Variants in COL22A1 observed in about 807,000 individuals in gnomAD.
The protein encoded by COL22A1 is collagen alpha-1(XXII) chain.
In COL22A1, 221 loss-of-function variants were observed where a neutral mutation model predicts 248.9. The observed-to-expected ratio is 0.89, with a 90% confidence interval of 0.80 to 0.99. The LOEUF (loss-of-function observed/expected upper bound fraction) is 0.99. Ranked by LOEUF, COL22A1 falls within the 50% of genes least tolerant of loss-of-function variation. COL22A1 has a pLI of 0.00. For missense variants in COL22A1, 2,240 were observed against 2,179.0 expected (o/e 1.03, Z -0.56); for synonymous variants, 891 against 793.4 (o/e 1.12, Z -2.07).
At chr8:138,630,256 C>A (rs1161724555) in intron 50 of COL22A1, among the ~76,000 whole-genome samples, 1 of 152,156 alleles carries the variant, frequency 6.6e-6, no homozygotes, top group Non-Finnish European at 1.5e-5. Context: ...TAATTCCATT[C>A]TCCTCTTTTG....
chr8:138,775,933 C>A (rs1311385933), intron 16 of COL22A1, 33 bp downstream of exon 16: 1 of 1,606,690 alleles, frequency 6.2e-7, no homozygotes, highest in East Asian at 2.2e-5. Context: ...CTATGGAAAG[C>A]CGTATTGATG....
chr8:138,821,221 G>A lies in COL22A1; in HGVS notation c.1160C>T (p.Thr387Ile), dbSNP rs1563808632. 1 of 1,614,074 alleles carries A rather than the reference G, an allele frequency of 6.2e-7. No homozygotes were observed. The highest frequency in any genetic ancestry group is 8.5e-7 in the Non-Finnish European group (1 of 1,180,042). Residue 387 changes from threonine (T) to isoleucine (I), a missense_variant, in exon 7 of 65, where the codon ACA becomes ATA. Thr to Ile is a moderately conservative substitution (Grantham distance 89, BLOSUM62 -1). Coordinates refer to ENST00000303045, the MANE Select transcript of COL22A1 (RefSeq NM_152888.3). ...SLHIDCALVQ[T>I]LPIEERENID... ...GTTCTCCCGTTCCTCGATGGGTAGT[G>A]TCTGCACCAGCGCACAGTCAATGTG... is the stretch of plus-strand genomic sequence containing the variant.
chr8:138,744,505 T>A (rs1831949281), intron 22 of COL22A1, among the ~76,000 whole-genome samples: 1 of 146,394 alleles, frequency 6.8e-6, no homozygotes, highest in Admixed American at 6.7e-5. Context: ...ACACACACAC[T>A]CATACTCACA....
intron 1 of COL22A1, among the ~76,000 whole-genome samples, chr8:138,906,590 T>TC (rs1815040568): frequency 1.3e-5 from 2 of 151,270 alleles, no homozygotes; most frequent in South Asian, 4.2e-4. Context: ...CTTGTATTTT[T>TC]AATTGAAACT....
At chr8:138,731,293 C>A (rs956618524) in intron 23 of COL22A1, among the ~76,000 whole-genome samples, 6 of 152,038 alleles carry the variant, frequency 3.9e-5, no homozygotes, top group African/African-American at 1.4e-4. Context: ...AAGAGCAAAA[C>A]TCCGTCTCAA....
At chr8:138,600,619 T>A (rs542147319) in intron 60 of COL22A1, among the ~76,000 whole-genome samples, 1 of 152,266 alleles carries the variant, frequency 6.6e-6, no homozygotes, top group East Asian at 1.9e-4. Flanking sequence ...AGGGGTGAGA[T>A]GGAAGGGGCA....
intron 3 of COL22A1, among the ~76,000 whole-genome samples, chr8:138,869,087 C>G (rs952036509): frequency 2.0e-5 from 3 of 152,100 alleles, no homozygotes; most frequent in African/African-American, 2.4e-5. Flanking sequence ...CATAACTGTC[C>G]TAAGGTTAAC....
intron 60 of COL22A1, among the ~76,000 whole-genome samples, chr8:138,599,801 G>A (rs971113027): frequency 6.6e-6 from 1 of 152,206 alleles, no homozygotes; most frequent in African/African-American, 2.4e-5. Flanking sequence ...TGGTCACACA[G>A]GTAGTCTATA....
At chr8:138,673,745 G>C (rs1825257790) in intron 41 of COL22A1, among the ~76,000 whole-genome samples, 1 of 152,092 alleles carries the variant, frequency 6.6e-6, no homozygotes, top group Admixed American at 6.5e-5. Context: ...CTGGAAAACA[G>C]TGATGTAGTG....
chr8:138,595,261 C>T (rs541340950), intron 62 of COL22A1, among the ~76,000 whole-genome samples: 8 of 152,262 alleles, frequency 5.3e-5, no homozygotes, highest in African/African-American at 1.9e-4. Flanking sequence ...GCGACCTTGA[C>T]AAATTGCTCA....
chr8:138,897,176 A>G (rs568908266), intron 1 of COL22A1, among the ~76,000 whole-genome samples: 5 of 152,274 alleles, frequency 3.3e-5, no homozygotes, highest in South Asian at 4.2e-4. Context: ...AGAAGATATG[A>G]ATCCAGGCCT....
chr8:138,690,762 A>G, intron 36 of COL22A1, 59 bp downstream of exon 36: 1 of 1,395,534 alleles, frequency 7.2e-7, no homozygotes, highest in Admixed American at 2.0e-5. Flanking sequence ...GCTTTTGGGG[A>G]GGATACATTA....
intron 52 of COL22A1, among the ~76,000 whole-genome samples, chr8:138,622,302 T>C (rs920939446): frequency 7.2e-5 from 11 of 152,324 alleles, no homozygotes; most frequent in Admixed American, 5.9e-4. Context: ...TGGTATATTA[T>C]TCTCATTCTA....
intron 8 of COL22A1, 40 bp from the exon 9 acceptor site, chr8:138,811,961 C>G (rs1448311254): frequency 3.3e-6 from 5 of 1,504,846 alleles, no homozygotes; most frequent in Non-Finnish European, 4.4e-6. Flanking sequence ...TGGCTCTTCA[C>G]TCAGCAGGCA....
In COL22A1 at chr8:138,821,062, T is replaced by C. The variant is rs1819074527; in HGVS notation, c.1245+74A>G. On this transcript the variant is annotated intron_variant, in intron 7 of 64. Transcript: ENST00000303045. ...TGGTTCATGCAGGTGTGGAGAACAC[T>C]GAGGGCACTTAGCTCCCAAGGCTTC... 7.9e-6 allele frequency: 12 copies of C among 1,521,626 alleles called. No homozygotes were observed. The East Asian group carries it at 2.3e-4, about 29-fold the overall frequency. 94.3% of individuals were successfully genotyped at this position (1,521,626 alleles called of 1,614,324 possible). A position where few individuals can be genotyped will look rare whatever the true frequency, so the allele number is the denominator to read the frequency against.
At chr8:138,777,342 C>T (rs1814565798) in intron 15 of COL22A1, among the ~76,000 whole-genome samples, 1 of 152,210 alleles carries the variant, frequency 6.6e-6, no homozygotes, top group Non-Finnish European at 1.5e-5. Flanking sequence ...GGGCATCCTT[C>T]CTGTTTTAAT....
chr8:138,654,948 C>T (rs1823094944), intron 45 of COL22A1, among the ~76,000 whole-genome samples: 1 of 152,184 alleles, frequency 6.6e-6, no homozygotes, highest in African/African-American at 2.4e-5. Context: ...CCTCACTGAA[C>T]CTGCGCTCTG....
intron 33 of COL22A1, 124 bp from the exon 34 acceptor site, chr8:138,694,685 TGAG>T: frequency 7.3e-7 from 1 of 1,363,604 alleles, no homozygotes; most frequent in Non-Finnish European, 1.0e-6. Context: ...GCTAGCGTCC[TGAG>T]GAGAAGAAAG....
rs368407433 is a variant in COL22A1 at position 138,589,075 on chromosome 8, G to A, written c.*178C>T. The A allele has an allele frequency of 1.7e-4, 100 of 602,572 alleles. No homozygotes were observed. The highest frequency in any genetic ancestry group is 8.6e-4 in the African/African-American group (44 of 51,054). 37.3% of individuals were successfully genotyped at this position (602,572 alleles called of 1,614,324 possible). A position where few individuals can be genotyped will look rare whatever the true frequency, so the allele number is the denominator to read the frequency against. ...AATAATAATCTGACCGACCGGCAGC[G>A]TCTGTTGGATTTAATAATTTTGAGG... On this transcript the variant is annotated 3_prime_UTR_variant, in exon 65 of 65. Transcript: ENST00000303045.
Sources: gnomAD v4.1 joint callset for allele counts (sites outside exome capture counted in the v4.1 genomes callset) on GRCh38, gnomAD v4.1.1 for gene constraint, MANE v1.5 for transcripts, NCBI Gene and HGNC (gene_info 2026-07-23, HGNC 2026-07-21) for gene names.